The following SZT2 variants were observed in gnomAD, a reference collection of about 807,000 sequenced individuals.
SZT2 encodes SZT2 subunit of KICSTOR complex, also known as KICSTOR complex protein SZT2.
In SZT2, 216 loss-of-function variants were observed where a neutral mutation model predicts 404.2. That is an observed-to-expected ratio of 0.53 (90% CI 0.48 to 0.60). SZT2 has a LOEUF of 0.60. SZT2 is among the 20% of genes least tolerant of loss of function. The pLI is 0.00. For synonymous variants in SZT2, 1,693 were observed against 1,749.9 expected, an observed-to-expected ratio of 0.97 and a Z score of 0.81; for missense variants, 3,857 against 4,459.2, an observed-to-expected ratio of 0.86 and a Z score of 3.85.
At chr1:43,449,992 CG>C in intron 70 of SZT2, 110 bp from the exon 71 acceptor site, 4 of 1,284,446 alleles carry the variant, frequency 3.1e-6, no homozygotes, top group Non-Finnish European at 4.5e-6. Context: ...AGGGTGCAGG[CG>C]GGGTGAGGTG....
rs758615239 is a variant in SZT2 at position 43,453,429 on chromosome 1, G to A, written c.*2949G>A. The A allele has an allele frequency of 1.9e-6, 3 of 1,562,270 alleles. No homozygotes were observed. The Admixed American group carries it at 5.5e-5, about 29-fold the overall frequency. On this transcript the variant is annotated 3_prime_UTR_variant, in exon 72 of 72. Transcript: ENST00000634258. Reference sequence around the variant, plus strand: ...TTGGCATACCGCACGGCCTGCTCCAGTCCCTCTCGGAAGGCCGCCTGTCTC... The same window carrying A: ...TTGGCATACCGCACGGCCTGCTCCAATCCCTCTCGGAAGGCCGCCTGTCTC...
chr1:43,417,840 C>T (rs1313324570), intron 7 of SZT2, among the ~76,000 whole-genome samples: 8 of 152,052 alleles, frequency 5.3e-5, no homozygotes, highest in Admixed American at 3.9e-4. Flanking sequence ...CCTGGAAGAA[C>T]TTTGGGGAAC....
chr1:43,416,633 T>C lies in SZT2; in HGVS notation c.871T>C (p.Phe291Leu), dbSNP rs769312692. The C allele has an allele frequency of 6.3e-7, 1 of 1,597,294 alleles. No individual in the cohort carries two copies. The highest frequency in any genetic ancestry group is 8.5e-7 in the Non-Finnish European group (1 of 1,179,364). ...QLRSGTVACSFVQVGGVYSYD... is the reference protein window; with the variant it reads ...QLRSGTVACSLVQVGGVYSYD... ...TCGCAGTGGCACTGTGGCTTGTTCC[T>C]TTGTCCAGGTGAGGACTTTTTAGGA... Residue 291 changes from phenylalanine (F) to leucine (L), a missense_variant, in exon 7 of 72, where the codon TTT (phenylalanine) becomes CTT (leucine). Physicochemically the swap from Phe to Leu is conservative, Grantham distance 22. This residue lies in a region of SZT2 where 536 missense variants were observed against 637.4 expected (regional missense o/e 0.84). Transcript: ENST00000634258.
In SZT2 at chr1:43,431,861, T is replaced by G; in HGVS notation, c.5234T>G (p.Phe1745Cys). The G allele has an allele frequency of 6.2e-7, 1 of 1,614,210 alleles. No individual in the cohort carries two copies. The highest frequency in any genetic ancestry group is 8.5e-7 in the Non-Finnish European group (1 of 1,180,028). The change falls in exon 36 of 72, where the codon TTT becomes TGT. Residue 1745 changes from phenylalanine to cysteine, a missense_variant. By Grantham distance (205) the Phe-to-Cys change is radical. Coordinates refer to ENST00000634258, the MANE Select transcript of SZT2 (RefSeq NM_001365999.1). ...CTTCGCCAAACTCTGCCACTGAGTT[T>G]TGTATTTGGGCCAGAGCGTTCCCTC... is the stretch of plus-strand genomic sequence containing the variant. ...TCLRQTLPLS[F>C]VFGPERSLTQ... is the part of the protein sequence containing the mutation.
chr1:43,428,412 C>T lies in SZT2; in HGVS notation c.4092C>T (p.Ser1364=), dbSNP rs905893138. The change falls in exon 28 of 72, where the codon AGC becomes AGT. Residue 1364 remains serine, a synonymous_variant. Coordinates refer to ENST00000634258, the MANE Select transcript of SZT2 (RefSeq NM_001365999.1). ...CACCCCCAAGTCCTGGTCCTCTCAG[C>T]CCTGGGCCCTTCAGCAGCAGCATGG... is the stretch of plus-strand genomic sequence containing the variant. ...PHAPPSPGPL[S]PGPFSSSMEE... 1.2e-6 allele frequency: 2 copies of T among 1,614,052 alleles called. No homozygotes were observed. The highest frequency in any genetic ancestry group is 1.7e-6 in the Non-Finnish European group (2 of 1,180,034).
At chr1:43,423,688 A>T (rs1007813209) in intron 15 of SZT2, among the ~76,000 whole-genome samples, 3 of 139,416 alleles carry the variant, frequency 2.2e-5, no homozygotes, top group African/African-American at 8.2e-5. Flanking sequence ...TGAGTGGTAC[A>T]GAGTTGCAGA....
chr1:43,430,263 G>T (rs988524966), intron 30 of SZT2, 48 bp from the exon 31 acceptor site: 2 of 1,607,010 alleles, frequency 1.2e-6, no homozygotes, highest in Non-Finnish European at 1.7e-6. Flanking sequence ...CCTAGGATGA[G>T]GCAAGTGGGA....
At chr1:43,400,420 T>A (rs1649542487) in intron 1 of SZT2, among the ~76,000 whole-genome samples, 1 of 152,224 alleles carries the variant, frequency 6.6e-6, no homozygotes, top group Non-Finnish European at 1.5e-5. Context: ...TTTTATCCAT[T>A]TGTCACTCTC....
rs764627881 is a variant in SZT2 at position 43,425,444 on chromosome 1, G to A, written c.2646-30G>A. 6 of 1,613,214 alleles carry A rather than the reference G, an allele frequency of 3.7e-6. No homozygotes were observed. Among genetic ancestry groups the A allele is most frequent in the Admixed American group, 1.7e-5 (1 of 59,974 alleles). ...GGTTCACTCCCTGCCATGAGGCTGT[G>A]CATTGGACTCAGAGCCCTTCCTCCT... On this transcript the variant is annotated intron_variant, in intron 18 of 71. Coordinates refer to ENST00000634258, the MANE Select transcript of SZT2 (RefSeq NM_001365999.1). This position sits in a 1 kb window ranked among gnomAD's most constrained non-coding sequence, Gnocchi z 4.3.
rs1184230364 is a variant in SZT2, at chr1:43,438,175, G to T, written c.6508+273G>T. 5 of 441,714 alleles carry T rather than the reference G, an allele frequency of 1.1e-5. No homozygotes were observed. The East Asian group carries it at 2.3e-4, about 21-fold the overall frequency. 27.4% of individuals were successfully genotyped at this position (441,714 alleles called of 1,614,324 possible). ...AGCAGGAGCTGCATGGGAAGGGACTGGCTTCTGCCATGTTCAGGGTTAGGA... is the reference window on the plus strand; with the variant it reads ...AGCAGGAGCTGCATGGGAAGGGACTTGCTTCTGCCATGTTCAGGGTTAGGA... On this transcript the variant is annotated intron_variant, in intron 46 of 71. Transcript: ENST00000634258.
Position 43,442,278 on chromosome 1 carries a change from C to T in SZT2, c.7884C>T (p.Ala2628=). ...TCCCCCACCCTGTAGCTGCCAAAGC[C>T]ATGCAGCGCTTCGAGCCAGGAGGTG... ...WRRPTQQAAK[A]MQRFEPGGDG... Residue 2628 remains alanine (A), a synonymous_variant, in exon 57 of 72, where the codon GCC becomes GCT. Transcript: ENST00000634258. The surrounding 1 kb of genome is among the most constrained non-coding windows in gnomAD (Gnocchi z 4.5). 6.2e-7 allele frequency: 1 copy of T among 1,613,492 alleles called. No homozygotes were observed. The highest frequency in any genetic ancestry group is 8.5e-7 in the Non-Finnish European group (1 of 1,179,654).
At chr1:43,413,197 A>G (rs1651285999) in intron 4 of SZT2, among the ~76,000 whole-genome samples, 1 of 152,198 alleles carries the variant, frequency 6.6e-6, no homozygotes, top group Non-Finnish European at 1.5e-5. Flanking sequence ...AGCCTGGCCA[A>G]CATGGTGAAA....
At chr1:43,402,670 G>A (rs1199494308) in intron 1 of SZT2, among the ~76,000 whole-genome samples, 3 of 152,184 alleles carry the variant, frequency 2.0e-5, no homozygotes, top group East Asian at 1.9e-4. Context: ...GAAGTGCGGG[G>A]GTGGGGACTG....
At position 43,454,028 on chromosome 1, in the gene SZT2, A is replaced by G; in HGVS notation, c.*3548A>G. ...GGGGCGGAGCGAGGGCGGCCGGAAA[A>G]GGAGCAGGACCCGCGCCTGGAGAAG... is the stretch of plus-strand genomic sequence containing the variant. On this transcript the variant is annotated 3_prime_UTR_variant, in exon 72 of 72. Transcript: ENST00000634258. The G allele has an allele frequency of 8.6e-7, 1 of 1,160,376 alleles. No individual in the cohort carries two copies. The highest frequency in any genetic ancestry group is 1.1e-6 in the Non-Finnish European group (1 of 943,030). 71.9% of individuals were successfully genotyped at this position (1,160,376 alleles called of 1,614,324 possible). A position where few individuals can be genotyped will look rare whatever the true frequency, so the allele number is the denominator to read the frequency against.
chr1:43,454,072 A>G lies in SZT2; in HGVS notation c.*3592A>G, dbSNP rs1050413237. Reference sequence around the variant, plus strand: ...GGAGAAGGTAGGGAGGCCGAGCTCCAGGGCCTGAGAGCCGGACGCGAAGCA... The same window carrying G: ...GGAGAAGGTAGGGAGGCCGAGCTCCGGGGCCTGAGAGCCGGACGCGAAGCA... On this transcript the variant is annotated 3_prime_UTR_variant, in exon 72 of 72. Transcript: ENST00000634258. 1.8e-6 allele frequency: 2 copies of G among 1,118,316 alleles called. No individual in the cohort carries two copies. The highest frequency in any genetic ancestry group is 1.6e-5 in the African/African-American group (1 of 61,014). 69.3% of individuals were successfully genotyped at this position (1,118,316 alleles called of 1,614,324 possible). A position where few individuals can be genotyped will look rare whatever the true frequency, so the allele number is the denominator to read the frequency against.
Position 43,411,095 on chromosome 1 carries a change from C to G in SZT2, c.499-3987C>G, listed in dbSNP as rs143751646. Reference sequence around the variant, plus strand: ...TCAAAGGCACATGTGGAAATCCACTCCCAGCAAAGGGGGAGTCCTTGGGGG... The same window carrying G: ...TCAAAGGCACATGTGGAAATCCACTGCCAGCAAAGGGGGAGTCCTTGGGGG... On this transcript the variant is annotated intron_variant, in intron 4 of 71. Transcript: ENST00000634258. Among the ~76,000 whole-genome samples the G allele has an allele frequency of 1.3e-3, 201 of 152,336 alleles. No homozygotes were observed. In the East Asian group the frequency reaches 0.025, roughly 19 times the overall value.
chr1:43,396,617 C>G (rs905550571), intron 1 of SZT2, among the ~76,000 whole-genome samples: 1 of 152,202 alleles, frequency 6.6e-6, no homozygotes, highest in Non-Finnish European at 1.5e-5. Flanking sequence ...CATTTATACA[C>G]GTTACTTTTT....
Position 43,416,652 on chromosome 1 carries a change from T to C in SZT2, c.879+11T>C, listed in dbSNP as rs1247685577. The stretch of plus-strand genomic sequence containing the variant: ...TGTTCCTTTGTCCAGGTGAGGACTT[T>C]TTAGGAAGGACGAGAGAGATATGGA... On this transcript the variant is annotated intron_variant, in intron 7 of 71. Coordinates refer to ENST00000634258, the MANE Select transcript of SZT2 (RefSeq NM_001365999.1). 4.4e-6 allele frequency: 7 copies of C among 1,590,832 alleles called. No homozygotes were observed. Among genetic ancestry groups the C allele is most frequent in the African/African-American group, 2.7e-5 (2 of 74,804 alleles).
chr1:43,427,876 GA>G (rs1242346699), intron 26 of SZT2, 126 bp from the exon 27 acceptor site: 39 of 1,328,692 alleles, frequency 2.9e-5, no homozygotes, highest in Non-Finnish European at 3.7e-5. Context: ...GCAAACCCTT[GA>G]ACTTGCTAGG....
Sources: gnomAD v4.1 joint callset for allele counts (sites outside exome capture counted in the v4.1 genomes callset) on GRCh38, gnomAD v4.1.1 for gene constraint, gnomAD v4.1.1 regional missense constraint, Gnocchi (gnomAD v3.1) non-coding constraint, MANE v1.5 for transcripts, NCBI Gene and HGNC (gene_info 2026-07-23, HGNC 2026-07-21) for gene names.